MID2: variants seen among roughly 807,000 people sequenced by gnomAD.
The protein encoded by MID2 is midline 2, also known as probable E3 ubiquitin-protein ligase MID2.
MID2 carries 13 observed loss-of-function variants against 46.1 expected under a neutral mutation model. That is an observed-to-expected ratio of 0.28 (90% CI 0.18 to 0.45). MID2 has a LOEUF of 0.45. MID2 is among the 20% of genes least tolerant of loss of function. The pLI is 1.00. For missense variants in MID2, 431 were observed against 575.4 expected (o/e 0.75, Z 2.57); for synonymous variants, 199 against 212.3 (o/e 0.94, Z 0.55).
chrX:107,894,232 C>G (rs185991912), intron 3 of MID2, among the ~76,000 whole-genome samples: 2 of 110,803 alleles, frequency 1.8e-5, no homozygotes, highest in African/African-American at 6.6e-5. Context: ...GCTTGGTACA[C>G]GAATAGGTAC....
chrX:107,858,723 A>G (rs1249881863), intron 3 of MID2, among the ~76,000 whole-genome samples: 5 of 112,390 alleles, frequency 4.4e-5, no homozygotes, highest in East Asian at 5.6e-4. Flanking sequence ...AGCCCTTTCA[A>G]TTTTACTTAT....
chrX:107,839,799 C>T (rs1203687857), intron 1 of MID2, among the ~76,000 whole-genome samples: 4 of 112,459 alleles, frequency 3.6e-5, no homozygotes, highest in Non-Finnish European at 7.5e-5. Flanking sequence ...TATGAAAAGA[C>T]ACATGGGAGG....
intron 2 of MID2, among the ~76,000 whole-genome samples, chrX:107,849,920 C>T (rs548415542): frequency 1.8e-5 from 2 of 111,668 alleles, no homozygotes; most frequent in South Asian, 7.6e-4. Context: ...TTCATCCTGC[C>T]CCCTGGCTGC....
intron 3 of MID2, among the ~76,000 whole-genome samples, chrX:107,880,477 T>C (rs1159712470): frequency 9.0e-6 from 1 of 111,010 alleles, no homozygotes; most frequent in Non-Finnish European, 1.9e-5. Context: ...GTCATTGCCA[T>C]TGGGAAGTGG....
Position 107,911,284 on chromosome X carries a change from C to A in MID2, c.1074-4718C>A, listed in dbSNP as rs756147693. ...AATAATTTCCTCCCCTTTATTCTTT[C>A]TCTTCTTTGTTTATGGGACTTTGAT... is the stretch of plus-strand genomic sequence containing the variant. On this transcript the variant is annotated intron_variant, in intron 5 of 9. Coordinates refer to ENST00000262843, the MANE Select transcript of MID2 (RefSeq NM_012216.4). Among the ~76,000 whole-genome samples the A allele has an allele frequency of 2.7e-5, 3 of 111,569 alleles. No individual in the cohort carries two copies. In the East Asian group the frequency reaches 8.4e-4, roughly 31 times the overall value.
chrX:107,835,882 A>G (rs1931190813), intron 1 of MID2, among the ~76,000 whole-genome samples: 1 of 112,020 alleles, frequency 8.9e-6, no homozygotes. Context: ...ATTTATGTAT[A>G]TTTTCTTTGG....
chrX:107,867,500 T>C (rs962342752), intron 3 of MID2, among the ~76,000 whole-genome samples: 1 of 110,789 alleles, frequency 9.0e-6, no homozygotes, highest in Non-Finnish European at 1.9e-5. Flanking sequence ...GCCCCTCTGC[T>C]GGGTTAAGTA....
chrX:107,867,924 C>A (rs1931991936), intron 3 of MID2, among the ~76,000 whole-genome samples: 1 of 111,095 alleles, frequency 9.0e-6, no homozygotes, highest in Admixed American at 9.5e-5. Context: ...AATGAAATGT[C>A]CAGTAAGCAG....
rs1212001190 is a variant in MID2, at chrX:107,931,244, G to C, written c.*4171G>C. Among the ~76,000 whole-genome samples, 1 of 112,071 alleles carries C rather than the reference G, an allele frequency of 8.9e-6. No homozygotes were observed. The highest frequency in any genetic ancestry group is 1.9e-5 in the Non-Finnish European group (1 of 53,162). On this transcript the variant is annotated 3_prime_UTR_variant, in exon 10 of 10. Transcript: ENST00000262843. ...TCCAAGGAATGGAGAGTGTCAGGCA[G>C]GTAGGTAAGAACCACTCCTACACTT...
At chrX:107,923,290 T>C (rs1458758191) in intron 7 of MID2, among the ~76,000 whole-genome samples, 1 of 112,384 alleles carries the variant, frequency 8.9e-6, no homozygotes, top group African/African-American at 3.2e-5. Flanking sequence ...TAAAAAGTGG[T>C]AAACTAACTG....
intron 3 of MID2, among the ~76,000 whole-genome samples, chrX:107,861,521 G>A (rs1185674408): frequency 9.0e-6 from 1 of 110,980 alleles, no homozygotes; most frequent in Non-Finnish European, 1.9e-5. Context: ...TCAAGGGGCT[G>A]AGGCAGGAGA....
chrX:107,865,472 A>T (rs1931935242), intron 3 of MID2, among the ~76,000 whole-genome samples: 1 of 111,824 alleles, frequency 8.9e-6, no homozygotes, highest in African/African-American at 3.3e-5. Flanking sequence ...TGTAAAGAGG[A>T]TATATGTGGA....
At chrX:107,862,821 G>A (rs1350836027) in intron 3 of MID2, among the ~76,000 whole-genome samples, 2 of 112,197 alleles carry the variant, frequency 1.8e-5, no homozygotes, top group African/African-American at 6.5e-5. Context: ...GTTAGAGATG[G>A]AAGAGCAAGG....
chrX:107,907,995 A>G (rs1602500243), intron 5 of MID2, among the ~76,000 whole-genome samples: 1 of 112,002 alleles, frequency 8.9e-6, no homozygotes, highest in East Asian at 2.8e-4. Context: ...CCCATTTTAT[A>G]AATGAGAGAA....
At position 107,825,964 on chromosome X, in the gene MID2, G is replaced by T. The variant is rs1469366256; in HGVS notation, c.-463G>T. 2 of 267,634 alleles carry T rather than the reference G, an allele frequency of 7.5e-6. No individual in the cohort carries two copies. The highest frequency in any genetic ancestry group is 1.3e-5 in the Non-Finnish European group (2 of 151,066). 22.1% of individuals were successfully genotyped at this position (267,634 alleles called of 1,213,427 possible). The stretch of plus-strand genomic sequence containing the variant: ...GGCGGAAGGTGAGCCTGGGAAGGTG[G>T]CCGAGCACCCCTTCTTCTTGGGCCC... On this transcript the variant is annotated 5_prime_UTR_variant, in exon 1 of 10. Transcript: ENST00000262843.
At chrX:107,898,432 C>T (rs1455659003) in intron 3 of MID2, among the ~76,000 whole-genome samples, 1 of 112,351 alleles carries the variant, frequency 8.9e-6, no homozygotes, top group Non-Finnish European at 1.9e-5. Flanking sequence ...AAGTCTTGCT[C>T]ATCCTTGAAG....
intron 1 of MID2, among the ~76,000 whole-genome samples, chrX:107,829,465 C>G (rs1931042279): frequency 8.9e-6 from 1 of 112,635 alleles, no homozygotes; most frequent in Admixed American, 9.4e-5. Context: ...AATTTGAAGA[C>G]ATAACCTCAC....
chrX:107,892,177 A>G (rs1932620050), intron 3 of MID2, among the ~76,000 whole-genome samples: 2 of 111,696 alleles, frequency 1.8e-5, no homozygotes, highest in South Asian at 3.8e-4. Context: ...TGCTCCCCAC[A>G]ATCTGATCTG....
chrX:107,869,316 A>G (rs980686230), intron 3 of MID2, among the ~76,000 whole-genome samples: 1 of 111,351 alleles, frequency 9.0e-6, no homozygotes, highest in Non-Finnish European at 1.9e-5. Context: ...TCTAGACTCT[A>G]TTCTGTTCCA....
Sources: allele counts gnomAD v4.1 joint callset (sites outside exome capture counted in the v4.1 genomes callset), GRCh38; gene constraint gnomAD v4.1.1; transcripts MANE v1.5; gene names NCBI Gene and HGNC (gene_info 2026-07-23, HGNC 2026-07-21).